TMEM117: variants seen among roughly 807,000 people sequenced by gnomAD.
TMEM117 encodes the protein transmembrane protein 117.
A neutral mutation model predicts 52.4 loss-of-function variants in TMEM117; 27 were observed. The observed-to-expected ratio is 0.51, with a 90% CI of 0.38 to 0.71. The LOEUF (loss-of-function observed/expected upper bound fraction) is 0.71. TMEM117 is among the 30% of genes least tolerant of loss of function. The pLI is 0.00. For synonymous variants in TMEM117, 215 were observed against 206.3 expected (o/e 1.04, Z -0.36); for missense variants, 556 against 630.5 (o/e 0.88, Z 1.26).
At chr12:44,011,137 T>C (rs1416960580) in intron 3 of TMEM117, among the ~76,000 whole-genome samples, 3 of 152,204 alleles carry the variant, frequency 2.0e-5, no homozygotes, top group Non-Finnish European at 2.9e-5. Flanking sequence ...TTTTGAAGAA[T>C]AATTTCAGAG....
At position 43,917,892 on chromosome 12, in the gene TMEM117, GT is replaced by G. The variant is rs146742744; in HGVS notation, c.278-26316del. 8.4e-3 allele frequency among the ~76,000 whole-genome samples: 1,272 copies of G among 152,244 alleles called. 11 individuals are homozygous for G. The highest frequency in any genetic ancestry group is 0.012 in the Non-Finnish European group (832 of 68,020). On this transcript the variant is annotated intron_variant, in intron 2 of 7. Transcript: ENST00000266534. ...GTTATACTTTTTTAGACATTGGCCAGTTGAGGTTGATTTAGGTTTCTATAGA... is the reference window on the plus strand; with the variant it reads ...GTTATACTTTTTTAGACATTGGCCAGTGAGGTTGATTTAGGTTTCTATAGA...
At chr12:44,167,302 A>G (rs1343547922) in intron 4 of TMEM117, among the ~76,000 whole-genome samples, 3 of 152,156 alleles carry the variant, frequency 2.0e-5, no homozygotes, top group Non-Finnish European at 4.4e-5. Flanking sequence ...AGGGATCAAT[A>G]TAATTATTCC....
rs567057386 is a variant in TMEM117, at chr12:43,931,723, T to C, written c.278-12487T>C. ...TTAGTGAATTTTTACTTTGAACTCA[T>C]ATTTTAATAATATAATCTATCTGAA... On this transcript the variant is annotated intron_variant, in intron 2 of 7. Transcript: ENST00000266534. Among the ~76,000 whole-genome samples the C allele has an allele frequency of 6.6e-5, 10 of 152,370 alleles. No individual in the cohort carries two copies. In the South Asian group the frequency reaches 1.7e-3, roughly 25 times the overall value.
chr12:43,971,150 T>G (rs1387039372), intron 3 of TMEM117, among the ~76,000 whole-genome samples: 1 of 152,180 alleles, frequency 6.6e-6, no homozygotes, highest in Non-Finnish European at 1.5e-5. Flanking sequence ...GGCTTATTGA[T>G]TCTACCTGCT....
chr12:44,181,430 T>C (rs1429195261), intron 4 of TMEM117, among the ~76,000 whole-genome samples: 4 of 151,452 alleles, frequency 2.6e-5, no homozygotes, highest in Admixed American at 6.6e-5. Context: ...TCCTTGCCCA[T>C]GCCTATGTCC....
chr12:44,174,013 A>G (rs116530803), intron 4 of TMEM117, among the ~76,000 whole-genome samples: 1,750 of 152,312 alleles, frequency 0.011, 22 homozygotes, highest in South Asian at 0.052. Context: ...ATGACCCACT[A>G]GTAATTGCTT....
chr12:43,920,648 C>T (rs924222826), intron 2 of TMEM117, among the ~76,000 whole-genome samples: 1 of 146,984 alleles, frequency 6.8e-6, no homozygotes, highest in Non-Finnish European at 1.5e-5. Flanking sequence ...ACTCCTGGGG[C>T]TCAAGGAGTG....
intron 2 of TMEM117, among the ~76,000 whole-genome samples, chr12:43,879,300 G>A (rs1441336411): frequency 2.0e-5 from 3 of 152,142 alleles, no homozygotes; most frequent in Admixed American, 6.5e-5. Context: ...TGTATTCAAT[G>A]TCAATGAAAT....
In TMEM117 at chr12:44,133,401, ACT is replaced by A. The variant is rs573045997; in HGVS notation, c.411-10120_411-10119del. Among the ~76,000 whole-genome samples the A allele has an allele frequency of 3.1e-4, 47 of 152,266 alleles. No individual in the cohort carries two copies. The South Asian group carries it at 9.6e-3, about 31-fold the overall frequency. On this transcript the variant is annotated intron_variant, in intron 3 of 7. Transcript: ENST00000266534. ...TACTGGTTCCAACAGCGCAAAGGAAACTCTCAGAAAACTTACTGAGTTATTTG... is the reference window on the plus strand; with the variant it reads ...TACTGGTTCCAACAGCGCAAAGGAAACTCAGAAAACTTACTGAGTTATTTG...
intron 3 of TMEM117, among the ~76,000 whole-genome samples, chr12:43,994,272 G>A (rs1468139019): frequency 6.6e-6 from 1 of 152,138 alleles, no homozygotes; most frequent in Non-Finnish European, 1.5e-5. Context: ...TCAGAACTAA[G>A]GCAGTAAGCT....
intron 6 of TMEM117, among the ~76,000 whole-genome samples, chr12:44,343,103 T>G (rs1044283531): frequency 6.6e-6 from 1 of 151,746 alleles, no homozygotes; most frequent in Non-Finnish European, 1.5e-5. Context: ...GCCCAGCTAT[T>G]TTTTTTTATT....
chr12:44,386,775 G>T (rs1270993301), intron 7 of TMEM117, among the ~76,000 whole-genome samples: 3 of 151,954 alleles, frequency 2.0e-5, no homozygotes, highest in Non-Finnish European at 4.4e-5. Flanking sequence ...AGTAATTTTG[G>T]AGCCAGGATT....
chr12:44,117,795 A>C (rs909096259), intron 3 of TMEM117, among the ~76,000 whole-genome samples: 1 of 152,026 alleles, frequency 6.6e-6, no homozygotes, highest in Non-Finnish European at 1.5e-5. Context: ...TATATGTCGG[A>C]ATGATATTAT....
At chr12:44,363,889 A>G (rs1281023397) in intron 6 of TMEM117, among the ~76,000 whole-genome samples, 3 of 152,184 alleles carry the variant, frequency 2.0e-5, no homozygotes, top group African/African-American at 4.8e-5. Flanking sequence ...AATTAGGGGC[A>G]GAGAGCAGTC....
chr12:43,939,469 G>A (rs1367932718), intron 2 of TMEM117, among the ~76,000 whole-genome samples: 1 of 152,138 alleles, frequency 6.6e-6, no homozygotes, highest in Non-Finnish European at 1.5e-5. Flanking sequence ...TAAGCAGAGA[G>A]TACAATATTA....
chr12:44,027,823 C>T (rs1450408540), intron 3 of TMEM117, among the ~76,000 whole-genome samples: 1 of 152,070 alleles, frequency 6.6e-6, no homozygotes, highest in Admixed American at 6.5e-5. Context: ...GAGTTCAGGC[C>T]TTTGGACCCC....
intron 2 of TMEM117, among the ~76,000 whole-genome samples, chr12:43,846,993 A>T (rs187162822): frequency 2.0e-5 from 3 of 152,230 alleles, no homozygotes; most frequent in Non-Finnish European, 4.4e-5. Flanking sequence ...ACACATATGT[A>T]TAGATGCACA....
At chr12:44,258,959 A>C (rs551263024) in intron 5 of TMEM117, among the ~76,000 whole-genome samples, 3 of 152,222 alleles carry the variant, frequency 2.0e-5, no homozygotes, top group African/African-American at 7.2e-5. Flanking sequence ...TCATTAAGAA[A>C]AAATATAAAA....
chr12:44,276,512 T>C (rs1347951467), intron 5 of TMEM117, among the ~76,000 whole-genome samples: 1 of 152,004 alleles, frequency 6.6e-6, no homozygotes, highest in Non-Finnish European at 1.5e-5. Context: ...GAGATGTTGG[T>C]CAAAGGACAA....
Sources: gnomAD v4.1 joint callset for allele counts (sites outside exome capture counted in the v4.1 genomes callset) on GRCh38, gnomAD v4.1.1 for gene constraint, MANE v1.5 for transcripts, NCBI Gene and HGNC (gene_info 2026-07-23, HGNC 2026-07-21) for gene names.